The following ACBD3 variants were observed in gnomAD, a reference collection of about 807,000 sequenced individuals.
ACBD3 encodes acyl-CoA binding domain containing 3.
ACBD3 carries 30 observed loss-of-function variants against 66.9 expected under a neutral mutation model. That is an observed-to-expected ratio of 0.45 (90% CI 0.34 to 0.61). The LOEUF is 0.61. Ranked by LOEUF, ACBD3 falls within the 20% of genes least tolerant of loss-of-function variation. ACBD3 has a pLI of 0.02. For missense variants in ACBD3, 544 were observed against 664.5 expected (o/e 0.82, Z 1.99); for synonymous variants, 278 against 259.8 (o/e 1.07, Z -0.68).
At position 226,161,553 on chromosome 1, in the gene ACBD3, T is replaced by C; in HGVS notation, c.706A>G (p.Arg236Gly). Residue 236 changes from arginine to glycine, a missense_variant, in exon 4 of 8, where the codon AGG becomes GGG. Arg to Gly is a moderately radical substitution (Grantham distance 125). Transcript: ENST00000366812. The part of the protein sequence containing the change: ...EEERRRIEEE[R>G]LRLEQQKQQI... ...TACTTTTGCTGCTCCAACCGAAGCCTTTCTTCTTCTATCCGTCTCCTTTCC... is the reference window on the plus strand; with the variant it reads ...TACTTTTGCTGCTCCAACCGAAGCCCTTCTTCTTCTATCCGTCTCCTTTCC... 1 of 1,613,848 alleles carries C rather than the reference T, an allele frequency of 6.2e-7. No homozygotes were observed. Among genetic ancestry groups the C allele is most frequent in the Non-Finnish European group, 8.5e-7 (1 of 1,180,008 alleles).
intron 3 of ACBD3, 132 bp from the exon 4 acceptor site, chr1:226,161,821 A>G (rs1329870282): frequency 9.6e-6 from 10 of 1,036,802 alleles, no homozygotes; most frequent in Non-Finnish European, 1.2e-5. Context: ...TTTAAAATAC[A>G]TACACTTTAC....
At chr1:226,152,313 G>A (rs1188771718) in intron 7 of ACBD3, 22 bp downstream of exon 7, 3 of 1,611,360 alleles carry the variant, frequency 1.9e-6, no homozygotes, top group South Asian at 1.1e-5. Context: ...AGCAGCTACT[G>A]AATATGGACC....
At chr1:226,174,817 G>A (rs1276689097) in intron 1 of ACBD3, among the ~76,000 whole-genome samples, 1 of 149,564 alleles carries the variant, frequency 6.7e-6, no homozygotes, top group African/African-American at 2.5e-5. Flanking sequence ...CAATGAATGG[G>A]AAGGTGGGCA....
Position 226,161,519 on chromosome 1 carries a change from T to C in ACBD3, c.728+12A>G. ...TTCTCATTTTAAAACATAAGCCACA[T>C]AATAAACTTACTTTTGCTGCTCCAA... On this transcript the variant is annotated intron_variant, in intron 4 of 7. Coordinates refer to ENST00000366812, the MANE Select transcript of ACBD3 (RefSeq NM_022735.4). The C allele has an allele frequency of 6.2e-7, 1 of 1,610,640 alleles. No individual in the cohort carries two copies. Among genetic ancestry groups the C allele is most frequent in the Non-Finnish European group, 8.5e-7 (1 of 1,179,330 alleles).
chr1:226,179,992 G>T (rs1205707418), intron 1 of ACBD3, among the ~76,000 whole-genome samples: 1 of 151,914 alleles, frequency 6.6e-6, no homozygotes, highest in Non-Finnish European at 1.5e-5. Context: ...CCAACATAGT[G>T]AAACCCTGTC....
At chr1:226,152,779 G>C (rs994247424) in intron 6 of ACBD3, among the ~76,000 whole-genome samples, 160 bp from the exon 7 acceptor site, 1 of 152,186 alleles carries the variant, frequency 6.6e-6, no homozygotes, top group Non-Finnish European at 1.5e-5. Flanking sequence ...CTCCCCATGG[G>C]AGTCTCTCCA....
intron 7 of ACBD3, among the ~76,000 whole-genome samples, chr1:226,149,898 C>T (rs1659534371): frequency 1.3e-5 from 2 of 152,012 alleles, no homozygotes; most frequent in South Asian, 4.1e-4. Flanking sequence ...CTTTCCTTCC[C>T]AGACATCTGC....
At chr1:226,180,986 G>A (rs2102791272) in intron 1 of ACBD3, among the ~76,000 whole-genome samples, 1 of 142,716 alleles carries the variant, frequency 7.0e-6, no homozygotes, top group South Asian at 2.3e-4. Context: ...GTGACAGAAT[G>A]AGACTCCATC....
At chr1:226,169,021 C>G (rs909702823) in intron 1 of ACBD3, among the ~76,000 whole-genome samples, 3 of 152,068 alleles carry the variant, frequency 2.0e-5, no homozygotes, top group African/African-American at 7.2e-5. Context: ...CGCCACCATA[C>G]CCGGCTAGTT....
chr1:226,159,086 C>A, intron 5 of ACBD3, 98 bp downstream of exon 5: 1 of 1,405,720 alleles, frequency 7.1e-7, no homozygotes, highest in Non-Finnish European at 9.8e-7. Flanking sequence ...TAGAGGCTAA[C>A]TAATGCAAAA....
intron 1 of ACBD3, among the ~76,000 whole-genome samples, chr1:226,171,981 C>T (rs1224907817): frequency 1.3e-5 from 2 of 151,072 alleles, no homozygotes; most frequent in African/African-American, 4.9e-5. Flanking sequence ...CATGAGAAAC[C>T]CCGTCTCTAA....
At chr1:226,160,104 T>C (rs1358283257) in intron 4 of ACBD3, among the ~76,000 whole-genome samples, 3 of 151,790 alleles carry the variant, frequency 2.0e-5, no homozygotes, top group Non-Finnish European at 4.4e-5. Flanking sequence ...TCTTTTTTTT[T>C]TTTTTGAGAC....
intron 6 of ACBD3, among the ~76,000 whole-genome samples, chr1:226,153,385 T>C (rs761072895): frequency 2.0e-5 from 3 of 152,228 alleles, no homozygotes; most frequent in African/African-American, 7.2e-5. Context: ...AAATTTCTTA[T>C]GAACCATACC....
chr1:226,173,051 A>G lies in ACBD3; in HGVS notation c.287-7051T>C, dbSNP rs537852192. On this transcript the variant is annotated intron_variant, in intron 1 of 7. Coordinates refer to ENST00000366812, the MANE Select transcript of ACBD3 (RefSeq NM_022735.4). Reference sequence around the variant, plus strand: ...AAAGCTAGGGCAGGTGGATTGCTTGAGCCCAGGAGTTTGAGACCAGCCTGC... The same window carrying G: ...AAAGCTAGGGCAGGTGGATTGCTTGGGCCCAGGAGTTTGAGACCAGCCTGC... 3.9e-5 allele frequency among the ~76,000 whole-genome samples: 6 copies of G among 152,298 alleles called. No homozygotes were observed. The South Asian group carries it at 1.2e-3, about 32-fold the overall frequency.
intron 1 of ACBD3, among the ~76,000 whole-genome samples, chr1:226,182,294 CTAATTTACTGACAAAAAGGCCGAACTAT>C (rs1656188843): frequency 6.6e-6 from 1 of 151,916 alleles, no homozygotes; most frequent in African/African-American, 2.4e-5. Context: ...TCCTCATCTT[CTAATTTACTGACAAAAAGGCCGAACTAT>C]TAATACTTAC....
At chr1:226,175,091 C>CAAAAAAAAAA (rs35201518) in intron 1 of ACBD3, among the ~76,000 whole-genome samples, 99 of 75,596 alleles carry the variant, frequency 1.3e-3, no homozygotes, top group African/African-American at 1.7e-3. Flanking sequence ...GACTCCATCT[C>CAAAAAAAAAA]AAAAAAAAAA....
intron 1 of ACBD3, among the ~76,000 whole-genome samples, chr1:226,177,474 G>T (rs1332349426): frequency 1.3e-5 from 2 of 151,170 alleles, no homozygotes; most frequent in African/African-American, 2.4e-5. Context: ...GGGATTACAG[G>T]TATGAGCCAC....
chr1:226,146,827 AGAACAGAGACAAGTCAAT>A lies in ACBD3; in HGVS notation c.1376-24_1376-7del. ...CTCTTCACAACCGATGTTTTCTGTAAGAACAGAGACAAGTCAATGAACAGATTCAGGAAAACCACACTT... is the reference window on the plus strand; with the variant it reads ...CTCTTCACAACCGATGTTTTCTGTAAGAACAGATTCAGGAAAACCACACTT... On this transcript the variant is annotated splice_polypyrimidine_tract_variant and splice_region_variant and intron_variant, in intron 7 of 7. Transcript: ENST00000366812. The A allele has an allele frequency of 6.2e-7, 1 of 1,613,530 alleles. No individual in the cohort carries two copies. Among genetic ancestry groups the A allele is most frequent in the South Asian group, 1.1e-5 (1 of 91,062 alleles).
intron 5 of ACBD3, 79 bp from the exon 6 acceptor site, chr1:226,154,912 A>G: frequency 7.8e-7 from 1 of 1,288,810 alleles, no homozygotes; most frequent in Admixed American, 2.9e-5. Flanking sequence ...TACATCTGAT[A>G]CCATGCTTTT....
Sources: allele counts gnomAD v4.1 joint callset (sites outside exome capture counted in the v4.1 genomes callset), GRCh38; gene constraint gnomAD v4.1.1; transcripts MANE v1.5; gene names NCBI Gene and HGNC (gene_info 2026-07-23, HGNC 2026-07-21).